XPO4: variants seen among roughly 807,000 people sequenced by gnomAD.
The protein encoded by XPO4 is exportin-4.
A neutral mutation model predicts 143.0 loss-of-function variants in XPO4; 39 were observed. The observed-to-expected ratio is 0.27, with a 90% CI of 0.21 to 0.36. The LOEUF (loss-of-function observed/expected upper bound fraction) is 0.36, where lower values mean the gene tolerates loss of function less well. XPO4 is among the 10% of genes least tolerant of loss of function. The probability of loss-of-function intolerance (pLI) is 1.00; values close to 1 mark genes in which losing one functional copy is unlikely to be tolerated. For synonymous variants in XPO4, 439 were observed against 474.0 expected (o/e 0.93, Z 0.96); for missense variants, 907 against 1,348.0 (o/e 0.67, Z 5.12).
Position 20,800,302 on chromosome 13 carries a change from C to G in XPO4, c.2001G>C (p.Ala667=), listed in dbSNP as rs201910330. ...YDQISLPFST[A]FGADTEGSQW... Reference sequence around the variant, plus strand: ...GAGAACCCTCTGTATCTGCTCCGAACGCTGTACTGAATGGCAGACTTATCT... The same window carrying G: ...GAGAACCCTCTGTATCTGCTCCGAAGGCTGTACTGAATGGCAGACTTATCT... The change falls in exon 15 of 23, where the codon GCG becomes GCC. Residue 667 remains alanine (A), a synonymous_variant. Transcript: ENST00000255305. The G allele has an allele frequency of 6.2e-7, 1 of 1,613,698 alleles. No individual in the cohort carries two copies. The highest frequency in any genetic ancestry group is 1.3e-5 in the African/African-American group (1 of 74,882).
intron 4 of XPO4, chr13:20,852,532 A>C: frequency 1.0e-6 from 1 of 985,432 alleles, no homozygotes; most frequent in Non-Finnish European, 1.2e-6. Context: ...CAACTCGTGT[A>C]GACACTGCTG....
intron 6 of XPO4, among the ~76,000 whole-genome samples, chr13:20,833,970 C>G (rs545389430): frequency 2.6e-5 from 4 of 152,112 alleles, no homozygotes; most frequent in Non-Finnish European, 5.9e-5. Context: ...AGGACACTTT[C>G]TTTGCACAAC....
chr13:20,874,155 C>T (rs887956984), intron 1 of XPO4, among the ~76,000 whole-genome samples: 10 of 152,032 alleles, frequency 6.6e-5, no homozygotes, highest in Non-Finnish European at 1.3e-4. Flanking sequence ...CTCTCAGATA[C>T]CTAGTAGAGA....
chr13:20,830,669 A>G (rs973545505), intron 6 of XPO4, among the ~76,000 whole-genome samples: 2 of 152,192 alleles, frequency 1.3e-5, no homozygotes, highest in African/African-American at 4.8e-5. Context: ...AGTATAATAA[A>G]CGTTTATATG....
At chr13:20,784,063 T>C (rs2059170993) in intron 22 of XPO4, 144 bp from the exon 23 acceptor site, 2 of 752,246 alleles carry the variant, frequency 2.7e-6, no homozygotes, top group Non-Finnish European at 4.3e-6. Context: ...ATTTAAGTAC[T>C]ACTGTTTGAA....
At chr13:20,844,045 AAAAT>A (rs1215582242) in intron 4 of XPO4, among the ~76,000 whole-genome samples, 159 bp from the exon 5 acceptor site, 2 of 152,230 alleles carry the variant, frequency 1.3e-5, no homozygotes. Context: ...CAGATATGAC[AAAAT>A]AAATATTAGC....
At chr13:20,871,597 G>C (rs2060299349) in intron 1 of XPO4, among the ~76,000 whole-genome samples, 1 of 152,188 alleles carries the variant, frequency 6.6e-6, no homozygotes, top group Non-Finnish European at 1.5e-5. Flanking sequence ...GTATGGCATA[G>C]AGTAAACGAT....
intron 1 of XPO4, among the ~76,000 whole-genome samples, chr13:20,877,738 T>C (rs570665904): frequency 6.6e-6 from 1 of 152,244 alleles, no homozygotes; most frequent in African/African-American, 2.4e-5. Flanking sequence ...TCCAAACAAA[T>C]ATGCAACAGA....
intron 4 of XPO4, among the ~76,000 whole-genome samples, chr13:20,854,052 G>A (rs1033261531): frequency 3.9e-5 from 6 of 152,162 alleles, no homozygotes; most frequent in African/African-American, 7.2e-5. Context: ...ACAACTTAAC[G>A]AGGTGTGCAT....
chr13:20,860,721 C>A (rs2060189125), intron 3 of XPO4, among the ~76,000 whole-genome samples: 1 of 152,138 alleles, frequency 6.6e-6, no homozygotes, highest in Non-Finnish European at 1.5e-5. Context: ...ACCCACCAAA[C>A]AAAAACCAAT....
intron 1 of XPO4, among the ~76,000 whole-genome samples, chr13:20,892,261 T>A (rs1188290445): frequency 9.9e-5 from 15 of 152,124 alleles, no homozygotes. Flanking sequence ...TAATTTTTTG[T>A]ATTTTTAGTA....
chr13:20,851,360 A>G (rs771801667), intron 4 of XPO4: 5 of 985,392 alleles, frequency 5.1e-6, no homozygotes, highest in Non-Finnish European at 6.0e-6. Flanking sequence ...ATTAAATTCT[A>G]CTTCCCACTG....
rs192653102 is a variant in XPO4 at position 20,819,207 on chromosome 13, G to T, written c.1173+2497C>A. Among the ~76,000 whole-genome samples the T allele has an allele frequency of 1.3e-3, 192 of 152,150 alleles. 1 individual carries two copies. Among genetic ancestry groups the T allele is most frequent in the Non-Finnish European group, 2.1e-3 (143 of 68,002 alleles). ...CCTGACTTTACCAATAAGCTAACAT[G>T]CTCCAAAAAAAAGTGAAGCAGCTTG... On this transcript the variant is annotated intron_variant, in intron 9 of 22. Coordinates refer to ENST00000255305, the MANE Select transcript of XPO4 (RefSeq NM_022459.5).
At chr13:20,832,158 A>T (rs2059860783) in intron 6 of XPO4, among the ~76,000 whole-genome samples, 1 of 152,186 alleles carries the variant, frequency 6.6e-6, no homozygotes, top group South Asian at 2.1e-4. Context: ...AACATATACC[A>T]GGCCAAGAGC....
intron 1 of XPO4, among the ~76,000 whole-genome samples, chr13:20,892,358 G>C (rs544293431): frequency 1.3e-5 from 2 of 152,256 alleles, no homozygotes; most frequent in African/African-American, 4.8e-5. Context: ...AAAGTGCTGG[G>C]ATTACAGGTG....
chr13:20,845,935 G>A (rs1349214438), intron 4 of XPO4, among the ~76,000 whole-genome samples: 2 of 152,050 alleles, frequency 1.3e-5, no homozygotes, highest in African/African-American at 4.8e-5. Flanking sequence ...TAAGACTCTA[G>A]TCAATAAAAC....
chr13:20,840,185 G>A (rs756528535), intron 6 of XPO4, among the ~76,000 whole-genome samples: 64 of 151,858 alleles, frequency 4.2e-4, no homozygotes, highest in Non-Finnish European at 8.7e-4. Flanking sequence ...TCTATCCTAA[G>A]AGACAAATCA....
chr13:20,833,913 G>A (rs571965823), intron 6 of XPO4, among the ~76,000 whole-genome samples: 107 of 152,220 alleles, frequency 7.0e-4, no homozygotes, highest in African/African-American at 2.5e-3. Context: ...GGACCCCAGC[G>A]CCCACTATCA....
intron 9 of XPO4, among the ~76,000 whole-genome samples, chr13:20,817,726 A>C (rs1805455240): frequency 6.6e-6 from 1 of 152,250 alleles, no homozygotes; most frequent in African/African-American, 2.4e-5. Context: ...CACTGAAACA[A>C]TTCAAATGCA....
Sources: allele counts gnomAD v4.1 joint callset (sites outside exome capture counted in the v4.1 genomes callset), GRCh38; gene constraint gnomAD v4.1.1; transcripts MANE v1.5; gene names NCBI Gene and HGNC (gene_info 2026-07-23, HGNC 2026-07-21).